The following ZPBP variants were observed in gnomAD, a reference collection of about 807,000 sequenced individuals.
ZPBP encodes the protein zona pellucida binding protein.
Under a neutral mutation model 44.8 loss-of-function variants are expected in ZPBP, and 26 were observed. The observed-to-expected ratio is 0.58, with a 90% CI of 0.43 to 0.81. The LOEUF (loss-of-function observed/expected upper bound fraction) is 0.81, where lower values mean the gene tolerates loss of function less well. ZPBP is among the 30% of genes least tolerant of loss of function. The probability of loss-of-function intolerance (pLI) is 0.00; values close to 1 mark genes in which losing one functional copy is unlikely to be tolerated. For synonymous variants in ZPBP, 174 were observed against 153.2 expected (o/e 1.14, Z -1.00); for missense variants, 409 against 434.0 (o/e 0.94, Z 0.51).
intron 2 of ZPBP, among the ~76,000 whole-genome samples, chr7:49,870,610 C>A (rs1442907846): frequency 6.6e-6 from 1 of 152,134 alleles, no homozygotes; most frequent in Non-Finnish European, 1.5e-5. Flanking sequence ...TTCACACCTG[C>A]ACAGGGAAGC....
intron 3 of ZPBP, among the ~76,000 whole-genome samples, chr7:50,079,397 G>A (rs1802257425): frequency 6.6e-6 from 1 of 151,516 alleles, no homozygotes; most frequent in Non-Finnish European, 1.5e-5. Context: ...GTAATCTTAT[G>A]TATTTATTAT....
At chr7:50,054,595 G>C (rs1800843760) in intron 4 of ZPBP, among the ~76,000 whole-genome samples, 1 of 151,798 alleles carries the variant, frequency 6.6e-6, no homozygotes, top group Non-Finnish European at 1.5e-5. Flanking sequence ...AATTTTTAAA[G>C]GTTTTATATA....
chr7:49,870,050 G>A (rs1212122133), intron 2 of ZPBP, among the ~76,000 whole-genome samples: 1 of 152,182 alleles, frequency 6.6e-6, no homozygotes, highest in Admixed American at 6.5e-5. Flanking sequence ...ACCGATCTAT[G>A]GTGGTAGAAG....
At chr7:50,026,997 A>G (rs181895539) in intron 5 of ZPBP, among the ~76,000 whole-genome samples, 3 of 152,106 alleles carry the variant, frequency 2.0e-5, no homozygotes, top group East Asian at 3.9e-4. Context: ...CCTCATTTTA[A>G]TGCTAAAACC....
chr7:49,917,427 C>G (rs1452987370), intron 1 of ZPBP: 2 of 152,170 alleles, frequency 1.3e-5, no homozygotes, highest in Non-Finnish European at 2.9e-5. Context: ...AAAATGTGCT[C>G]TCAGTGCTTG....
chr7:50,003,310 G>GA (rs1403402257), intron 6 of ZPBP, among the ~76,000 whole-genome samples: 1 of 152,076 alleles, frequency 6.6e-6, no homozygotes, highest in East Asian at 1.9e-4. Context: ...AAGAACTCTA[G>GA]AAACTAGCTA....
chr7:49,863,023 A>G (rs1790721482), intron 2 of ZPBP, among the ~76,000 whole-genome samples: 1 of 152,154 alleles, frequency 6.6e-6, no homozygotes, highest in Non-Finnish European at 1.5e-5. Context: ...TATATGGAAG[A>G]GTTTGAGAAG....
intron 3 of ZPBP, among the ~76,000 whole-genome samples, chr7:50,078,284 A>G (rs1170565618): frequency 1.7e-4 from 26 of 151,600 alleles, no homozygotes; most frequent in Admixed American, 1.7e-3. Flanking sequence ...GGGATGATTA[A>G]TGGGTACCAA....
chr7:50,053,590 T>C (rs979643048), intron 4 of ZPBP, among the ~76,000 whole-genome samples: 1 of 152,194 alleles, frequency 6.6e-6, no homozygotes, highest in African/African-American at 2.4e-5. Flanking sequence ...CATAATCTTA[T>C]CTTTTGAATT....
chr7:50,085,418 A>C (rs1386204647), intron 2 of ZPBP, among the ~76,000 whole-genome samples: 2 of 152,082 alleles, frequency 1.3e-5, no homozygotes, highest in Non-Finnish European at 2.9e-5. Flanking sequence ...AGCTTGTAGT[A>C]TTTTAACGTG....
At chr7:49,859,563 T>C (rs1020145246) in intron 2 of ZPBP, among the ~76,000 whole-genome samples, 7 of 152,390 alleles carry the variant, frequency 4.6e-5, no homozygotes, top group Middle Eastern at 3.4e-3. Context: ...TCCTCTGTCA[T>C]GTGGCTACTT....
chr7:49,985,620 T>TA (rs1214857671), intron 6 of ZPBP, among the ~76,000 whole-genome samples: 1 of 142,880 alleles, frequency 7.0e-6, no homozygotes, highest in Admixed American at 7.2e-5. Context: ...AGAGCCTAAT[T>TA]AGGCTTCCTA....
At chr7:49,957,801 T>C (rs1404176942) in intron 7 of ZPBP, among the ~76,000 whole-genome samples, 1 of 152,046 alleles carries the variant, frequency 6.6e-6, no homozygotes, top group African/African-American at 2.4e-5. Context: ...TAATACATAG[T>C]AGAGCCACGA....
chr7:49,949,772 T>C (rs541853115), intron 7 of ZPBP, among the ~76,000 whole-genome samples: 90 of 152,144 alleles, frequency 5.9e-4, no homozygotes, highest in Middle Eastern at 6.8e-3. Flanking sequence ...TACATTTAAA[T>C]ACACTTAAAA....
At chr7:50,023,436 T>C (rs949166917) in intron 5 of ZPBP, among the ~76,000 whole-genome samples, 3 of 151,606 alleles carry the variant, frequency 2.0e-5, no homozygotes, top group Non-Finnish European at 4.4e-5. Context: ...GGAAAGACAA[T>C]AACAAGACGA....
chr7:49,980,718 T>C (rs1180598578), intron 7 of ZPBP, among the ~76,000 whole-genome samples: 1 of 152,054 alleles, frequency 6.6e-6, no homozygotes, highest in Non-Finnish European at 1.5e-5. Flanking sequence ...ATTAATCTAT[T>C]CATGAGAGAT....
intron 2 of ZPBP, among the ~76,000 whole-genome samples, chr7:49,891,842 C>A (rs1455871428): frequency 6.6e-6 from 1 of 152,070 alleles, no homozygotes; most frequent in Non-Finnish European, 1.5e-5. Flanking sequence ...CTTTTAATAG[C>A]TACCACTATA....
chr7:49,904,153 T>C lies in ZPBP; in HGVS notation n.412-2938A>G, dbSNP rs1792950340. Among the ~76,000 whole-genome samples, 3 of 152,222 alleles carry C rather than the reference T, an allele frequency of 2.0e-5. No individual in the cohort carries two copies. The South Asian group carries it at 6.2e-4, about 32-fold the overall frequency. On this transcript the variant is annotated intron_variant and non_coding_transcript_variant, in intron 1 of 2. Coordinates refer to the ZPBP transcript ENST00000465922. ...AGTAGTTCCTGCTGGCATTGACTCT[T>C]GTAAGCTCCCAGCTTGTCTATGTCT...
At chr7:50,049,797 T>G (rs1800592585) in intron 4 of ZPBP, among the ~76,000 whole-genome samples, 1 of 151,732 alleles carries the variant, frequency 6.6e-6, no homozygotes, top group South Asian at 2.1e-4. Context: ...TTTCAACATA[T>G]ATCTAAAGTC....
Sources: gnomAD v4.1 joint callset for allele counts (sites outside exome capture counted in the v4.1 genomes callset) on GRCh38, gnomAD v4.1.1 for gene constraint, MANE v1.5 for transcripts, NCBI Gene and HGNC (gene_info 2026-07-23, HGNC 2026-07-21) for gene names.